Variants in KDELR2 observed in about 807,000 individuals in gnomAD.
KDELR2 encodes KDEL endoplasmic reticulum protein retention receptor 2.
In KDELR2, 15 loss-of-function variants were observed where a neutral mutation model predicts 23.9. The observed-to-expected ratio is 0.63, with a 90% CI of 0.42 to 0.97. The LOEUF is 0.97. Among genes scored for constraint, KDELR2 ranks in the 50% least tolerant of loss-of-function variants. The pLI is 0.00. For missense variants in KDELR2, 272 were observed against 254.6 expected, an observed-to-expected ratio of 1.07 and a Z score of -0.46; for synonymous variants, 119 against 106.2, an observed-to-expected ratio of 1.12 and a Z score of -0.74.
intron 1 of KDELR2, among the ~76,000 whole-genome samples, chr7:6,475,673 G>A (rs913814661): frequency 4.6e-5 from 7 of 152,162 alleles, no homozygotes; most frequent in Admixed American, 4.6e-4. Context: ...CAGCTTTTCT[G>A]ACATCTATAT....
At chr7:6,473,723 G>T (rs1583318945) in intron 2 of KDELR2, among the ~76,000 whole-genome samples, 1 of 152,106 alleles carries the variant, frequency 6.6e-6, no homozygotes. Context: ...CAGTGGCAAA[G>T]AAAAAAGATA....
chr7:6,471,011 G>A (rs147919565), intron 2 of KDELR2, among the ~76,000 whole-genome samples: 24,047 of 150,954 alleles, frequency 0.16, 2,201 homozygotes, highest in Non-Finnish European at 0.21. Context: ...CAGCTACTCA[G>A]GAGGCTGAGG....
chr7:6,482,237 G>A (rs1016139474), intron 1 of KDELR2, among the ~76,000 whole-genome samples: 1 of 152,082 alleles, frequency 6.6e-6, no homozygotes, highest in Non-Finnish European at 1.5e-5. Context: ...GACCTCAGGT[G>A]ATCCACCTGC....
At chr7:6,476,769 A>G (rs1000260888) in intron 1 of KDELR2, among the ~76,000 whole-genome samples, 4 of 152,194 alleles carry the variant, frequency 2.6e-5, no homozygotes, top group African/African-American at 4.8e-5. Context: ...CAGCAAGCAC[A>G]TAAGGGGAAC....
At chr7:6,470,021 G>C (rs961336596) in intron 2 of KDELR2, 1 of 290,388 alleles carries the variant, frequency 3.4e-6, no homozygotes, top group Non-Finnish European at 6.4e-6. Context: ...ACTCCCCCAG[G>C]CTTCCTTCAC....
In KDELR2 at chr7:6,461,297, C is replaced by A. The variant is rs895856519; in HGVS notation, c.*1844G>T. The A allele has an allele frequency of 6.6e-6, 1 of 152,140 alleles. No individual in the cohort carries two copies. Among genetic ancestry groups the A allele is most frequent in the African/African-American group, 2.4e-5 (1 of 41,426 alleles). The allele number at this position is 152,140 out of a possible 1,614,324, so 9.4% of individuals were successfully genotyped here. On this transcript the variant is annotated 3_prime_UTR_variant, in exon 5 of 5. Transcript: ENST00000258739. ...GGTTACTTTTACTTGGGTAGGATGACTGCAGAAGGAATGGCTACACAGAGC... is the reference window on the plus strand; with the variant it reads ...GGTTACTTTTACTTGGGTAGGATGAATGCAGAAGGAATGGCTACACAGAGC...
rs759519707 is a variant in KDELR2, at chr7:6,484,072, T to G, written c.-15A>C. The stretch of plus-strand genomic sequence containing the variant: ...AAAATGTTCATGGCGGCGGCGGCGG[T>G]GGCGGTCGGCGCAGCGCGGCGGCCC... On this transcript the variant is annotated 5_prime_UTR_variant, in exon 1 of 5. Transcript: ENST00000258739. The G allele has an allele frequency of 6.1e-6, 9 of 1,473,792 alleles. No individual in the cohort carries two copies. Among genetic ancestry groups the G allele is most frequent in the Non-Finnish European group, 8.1e-6 (9 of 1,107,406 alleles). 91.3% of individuals were successfully genotyped at this position (1,473,792 alleles called of 1,614,324 possible). A position where few individuals can be genotyped will look rare whatever the true frequency, so the allele number is the denominator to read the frequency against.
At chr7:6,479,626 G>A (rs1009021459) in intron 1 of KDELR2, among the ~76,000 whole-genome samples, 1 of 152,000 alleles carries the variant, frequency 6.6e-6, no homozygotes, top group African/African-American at 2.4e-5. Context: ...ACAGCCGCCC[G>A]CCACCATGCC....
intron 2 of KDELR2, among the ~76,000 whole-genome samples, chr7:6,473,216 C>A (rs1785690128): frequency 6.6e-6 from 1 of 150,508 alleles, no homozygotes; most frequent in Non-Finnish European, 1.5e-5. Context: ...AGCTACTGGG[C>A]CTGTTTCATG....
intron 3 of KDELR2, among the ~76,000 whole-genome samples, chr7:6,466,860 C>T (rs894730796): frequency 2.6e-5 from 4 of 151,998 alleles, no homozygotes; most frequent in African/African-American, 7.2e-5. Flanking sequence ...GGAGCTTGGG[C>T]AGTAATGTGA....
At chr7:6,481,514 G>A (rs1785890683) in intron 1 of KDELR2, among the ~76,000 whole-genome samples, 1 of 152,064 alleles carries the variant, frequency 6.6e-6, no homozygotes, top group East Asian at 1.9e-4. Context: ...AAAACATATG[G>A]AAGAAAATGA....
intron 4 of KDELR2, among the ~76,000 whole-genome samples, chr7:6,463,989 G>C (rs1250519012): frequency 8.1e-6 from 1 of 123,118 alleles, no homozygotes. Context: ...CTGAGGTCGG[G>C]AGTTCGAGAC....
Position 6,462,989 on chromosome 7 carries a change from T to A in KDELR2, c.*152A>T, listed in dbSNP as rs768674042. On this transcript the variant is annotated 3_prime_UTR_variant, in exon 5 of 5. Transcript: ENST00000258739. ...CATTAAACAGAAACCTTCTGGCTCT[T>A]TTCCTCTGCGTTTTTACAGAGCCAC... 6 of 1,613,930 alleles carry A rather than the reference T, an allele frequency of 3.7e-6. No individual in the cohort carries two copies. The highest frequency in any genetic ancestry group is 5.1e-6 in the Non-Finnish European group (6 of 1,179,994).
chr7:6,467,405 A>T (rs1456296988), intron 3 of KDELR2, among the ~76,000 whole-genome samples: 2 of 152,204 alleles, frequency 1.3e-5, no homozygotes, highest in Non-Finnish European at 2.9e-5. Flanking sequence ...TTCTCTGCCC[A>T]GCGTATGACT....
At chr7:6,464,014 T>C (rs932672334) in intron 4 of KDELR2, among the ~76,000 whole-genome samples, 3 of 122,180 alleles carry the variant, frequency 2.5e-5, no homozygotes, top group African/African-American at 8.1e-5. Context: ...CTGACCAACA[T>C]AGAGAAACTC....
At chr7:6,477,638 C>G (rs916059249) in intron 1 of KDELR2, among the ~76,000 whole-genome samples, 1 of 152,212 alleles carries the variant, frequency 6.6e-6, no homozygotes, top group Non-Finnish European at 1.5e-5. Flanking sequence ...TCTTATCCTA[C>G]TGGGCCAGGT....
chr7:6,473,431 C>A (rs958020806), intron 2 of KDELR2, among the ~76,000 whole-genome samples: 1 of 152,168 alleles, frequency 6.6e-6, no homozygotes, highest in African/African-American at 2.4e-5. Context: ...CTGAAGCTCA[C>A]GTAGTCCACA....
intron 1 of KDELR2, among the ~76,000 whole-genome samples, chr7:6,478,956 C>T (rs1299814842): frequency 6.6e-6 from 1 of 151,608 alleles, no homozygotes; most frequent in African/African-American, 2.4e-5. Context: ...GCCCGGGTAA[C>T]TTTTTTGTAA....
chr7:6,483,847 CG>C, intron 1 of KDELR2, 119 bp downstream of exon 1: 1 of 764,114 alleles, frequency 1.3e-6, no homozygotes, highest in East Asian at 4.1e-5. Flanking sequence ...TTAGGCCGGC[CG>C]AGGGGGTGTG....
Sources: allele counts gnomAD v4.1 joint callset (sites outside exome capture counted in the v4.1 genomes callset), GRCh38; gene constraint gnomAD v4.1.1; transcripts MANE v1.5; gene names NCBI Gene and HGNC (gene_info 2026-07-23, HGNC 2026-07-21).